The following PDE4B variants were observed in gnomAD, a reference collection of about 807,000 sequenced individuals.
PDE4B encodes phosphodiesterase 4B.
A neutral mutation model predicts 82.2 loss-of-function variants in PDE4B; 20 were observed. That is an observed-to-expected ratio of 0.24 (90% CI 0.17 to 0.35). The LOEUF is 0.35. Among genes scored for constraint, PDE4B ranks in the 10% least tolerant of loss-of-function variants. The pLI is 1.00. For missense variants in PDE4B, 655 were observed against 907.2 expected (o/e 0.72, Z 3.57); for synonymous variants, 320 against 318.9 (o/e 1.00, Z -0.04).
At chr1:66,270,064 C>A (rs1190537818) in intron 7 of PDE4B, among the ~76,000 whole-genome samples, 1 of 152,110 alleles carries the variant, frequency 6.6e-6, no homozygotes, top group East Asian at 1.9e-4. Flanking sequence ...GAAATGACAG[C>A]AAACCATAGC....
chr1:66,018,889 G>A (rs969517909), intron 3 of PDE4B, among the ~76,000 whole-genome samples: 1 of 149,746 alleles, frequency 6.7e-6, no homozygotes, highest in Admixed American at 6.8e-5. Flanking sequence ...TCTGACCTGA[G>A]GATAAAGTAC....
chr1:66,071,483 T>C lies in PDE4B; in HGVS notation c.281+152648T>C, dbSNP rs376334840. Among the ~76,000 whole-genome samples, 23 of 152,156 alleles carry C rather than the reference T, an allele frequency of 1.5e-4. 2 individuals carry two copies. Among genetic ancestry groups the C allele is most frequent in the Admixed American group, 9.8e-4 (15 of 15,258 alleles). ...TTTGAAGAGTACTTTGGGAATATAT[T>C]CTGAAATGATTTCTTATTTTTTCAT... On this transcript the variant is annotated intron_variant, in intron 3 of 16. Coordinates refer to ENST00000341517, the MANE Select transcript of PDE4B (RefSeq NM_002600.4).
At chr1:66,133,008 G>GT (rs1430653042) in intron 3 of PDE4B, among the ~76,000 whole-genome samples, 26 of 152,286 alleles carry the variant, frequency 1.7e-4, no homozygotes, top group Admixed American at 1.3e-4. Context: ...AGATGCAAGA[G>GT]TTGATATACC....
intron 3 of PDE4B, among the ~76,000 whole-genome samples, chr1:66,000,814 A>T (rs1651824581): frequency 6.6e-6 from 1 of 152,158 alleles, no homozygotes; most frequent in African/African-American, 2.4e-5. Context: ...AAGTCAGGGG[A>T]TGGAGGATAG....
rs571264281 is a variant in PDE4B, at chr1:66,146,206, C to T, written c.282-101254C>T. ...TTTTTTTTTTTTTTTTTTTTTGAGACGGAGTCTCACTCTGTCCCCCAAACT... is the reference window on the plus strand; with the variant it reads ...TTTTTTTTTTTTTTTTTTTTTGAGATGGAGTCTCACTCTGTCCCCCAAACT... On this transcript the variant is annotated intron_variant, in intron 3 of 16. Coordinates refer to ENST00000341517, the MANE Select transcript of PDE4B (RefSeq NM_002600.4). Among the ~76,000 whole-genome samples, 9 of 81,876 alleles carry T rather than the reference C, an allele frequency of 1.1e-4. No individual in the cohort carries two copies. The East Asian group carries it at 2.4e-3, about 22-fold the overall frequency. 53.7% of individuals were successfully genotyped at this position (81,876 alleles called of 152,430 possible). A position where few individuals can be genotyped will look rare whatever the true frequency, so the allele number is the denominator to read the frequency against.
chr1:66,036,635 G>A (rs554677309), intron 3 of PDE4B, among the ~76,000 whole-genome samples: 1 of 152,260 alleles, frequency 6.6e-6, no homozygotes, highest in African/African-American at 2.4e-5. Flanking sequence ...CTATTGATGT[G>A]TGGGTTTATT....
chr1:65,947,289 T>G (rs1418345313), intron 3 of PDE4B, among the ~76,000 whole-genome samples: 2 of 152,080 alleles, frequency 1.3e-5, no homozygotes, highest in Non-Finnish European at 2.9e-5. Context: ...AGAAAACATT[T>G]GCCAGTTCAG....
At chr1:66,348,104 G>T (rs964473991) in intron 8 of PDE4B, among the ~76,000 whole-genome samples, 1 of 152,166 alleles carries the variant, frequency 6.6e-6, no homozygotes, top group African/African-American at 2.4e-5. Flanking sequence ...AATACTATAA[G>T]TTGTAGAGCT....
chr1:66,072,967 T>TA (rs1369144473), intron 3 of PDE4B, among the ~76,000 whole-genome samples: 2 of 149,348 alleles, frequency 1.3e-5, no homozygotes, highest in Admixed American at 6.7e-5. Flanking sequence ...AAACAGCAAA[T>TA]AAAAAAAATC....
chr1:66,076,729 A>G (rs1268368933), intron 3 of PDE4B, among the ~76,000 whole-genome samples: 1 of 152,106 alleles, frequency 6.6e-6, no homozygotes, highest in Non-Finnish European at 1.5e-5. Context: ...ATGGTATCTC[A>G]TTGTGGTTTT....
intron 3 of PDE4B, among the ~76,000 whole-genome samples, chr1:66,207,626 C>T (rs1649656562): frequency 6.6e-6 from 1 of 152,104 alleles, no homozygotes; most frequent in Admixed American, 6.6e-5. Context: ...GAAACATAGT[C>T]TGTTTAATTT....
chr1:66,151,741 C>A (rs1646398295), intron 3 of PDE4B, among the ~76,000 whole-genome samples: 1 of 152,180 alleles, frequency 6.6e-6, no homozygotes, highest in South Asian at 2.1e-4. Flanking sequence ...TATTGTAAGT[C>A]TTTTGATGGC....
chr1:66,182,249 T>C (rs192549752), intron 3 of PDE4B, among the ~76,000 whole-genome samples: 112 of 152,278 alleles, frequency 7.4e-4, no homozygotes, highest in Non-Finnish European at 1.3e-3. Context: ...CTTCGTTATA[T>C]CTGTACCTAT....
At chr1:65,898,687 A>T (rs1646938242) in intron 1 of PDE4B, among the ~76,000 whole-genome samples, 1 of 152,176 alleles carries the variant, frequency 6.6e-6, no homozygotes, top group South Asian at 2.1e-4. Flanking sequence ...CTGATCTCTG[A>T]CAAAGCAAAC....
At chr1:65,920,246 A>T (rs1255330472) in intron 3 of PDE4B, among the ~76,000 whole-genome samples, 1 of 152,238 alleles carries the variant, frequency 6.6e-6, no homozygotes, top group Admixed American at 6.5e-5. Context: ...TGGTAAATAT[A>T]TGCTTTCTTG....
chr1:66,031,562 G>A (rs1653777498), intron 3 of PDE4B, among the ~76,000 whole-genome samples: 1 of 152,196 alleles, frequency 6.6e-6, no homozygotes, highest in African/African-American at 2.4e-5. Flanking sequence ...TAGCCTGCAA[G>A]TAAATTAAAG....
At chr1:66,050,497 A>C (rs1018254751) in intron 3 of PDE4B, 8 of 152,104 alleles carry the variant, frequency 5.3e-5, no homozygotes, top group Non-Finnish European at 1.2e-4. Context: ...ACACACACAC[A>C]CCTACATACA....
At chr1:65,956,824 C>T (rs1337070678) in intron 3 of PDE4B, among the ~76,000 whole-genome samples, 1 of 151,994 alleles carries the variant, frequency 6.6e-6, no homozygotes, top group African/African-American at 2.4e-5. Context: ...TGAACTTTAC[C>T]AGGAAACAAC....
intron 1 of PDE4B, among the ~76,000 whole-genome samples, chr1:65,814,599 G>A (rs1245774858): frequency 6.6e-6 from 1 of 152,138 alleles, no homozygotes; most frequent in Non-Finnish European, 1.5e-5. Context: ...CCTCCTTGCT[G>A]TCCATTCCTC....
Sources: gnomAD v4.1 joint callset for allele counts (sites outside exome capture counted in the v4.1 genomes callset) on GRCh38, gnomAD v4.1.1 for gene constraint, MANE v1.5 for transcripts, NCBI Gene and HGNC (gene_info 2026-07-23, HGNC 2026-07-21) for gene names.